The following SBF2 variants were observed in gnomAD, a reference collection of about 807,000 sequenced individuals.
SBF2 encodes the protein myotubularin-related protein 13.
SBF2 carries 112 observed loss-of-function variants against 225.2 expected under a neutral mutation model. The observed-to-expected ratio is 0.50, with a 90% CI of 0.43 to 0.58. The LOEUF (loss-of-function observed/expected upper bound fraction) is 0.58. SBF2 is among the 20% of genes least tolerant of loss of function. SBF2 has a pLI of 0.00. For missense variants in SBF2, 1,996 were observed against 2,206.2 expected (o/e 0.90, Z 1.91); for synonymous variants, 763 against 773.3 (o/e 0.99, Z 0.22).
At chr11:10,214,975 A>G (rs1342495519) in intron 1 of SBF2, among the ~76,000 whole-genome samples, 6 of 152,200 alleles carry the variant, frequency 3.9e-5, no homozygotes, top group African/African-American at 1.4e-4. Context: ...AACAACTCCT[A>G]GCCCACAGAA....
At chr11:10,148,955 C>A (rs1368783439) in intron 2 of SBF2, among the ~76,000 whole-genome samples, 1 of 152,042 alleles carries the variant, frequency 6.6e-6, no homozygotes, top group Non-Finnish European at 1.5e-5. Context: ...CCCGTGGCCA[C>A]ATATGAAGTT....
intron 16 of SBF2, among the ~76,000 whole-genome samples, chr11:9,910,515 G>A (rs1862512332): frequency 6.6e-6 from 1 of 152,034 alleles, no homozygotes; most frequent in South Asian, 2.1e-4. Context: ...AAGTCCTTCA[G>A]TAGGTATTCT....
intron 2 of SBF2, among the ~76,000 whole-genome samples, chr11:10,104,187 G>T: frequency 6.6e-6 from 1 of 152,040 alleles, no homozygotes; most frequent in South Asian, 2.1e-4. Context: ...TGTGGTCAGA[G>T]AAGATACTTT....
chr11:10,285,351 GA>G (rs1963684376), intron 1 of SBF2, among the ~76,000 whole-genome samples: 1 of 151,326 alleles, frequency 6.6e-6, no homozygotes, highest in Non-Finnish European at 1.5e-5. Flanking sequence ...AGAGAGGGGA[GA>G]GGGGAGGAAA....
intron 1 of SBF2, among the ~76,000 whole-genome samples, chr11:10,218,047 G>A (rs1366395669): frequency 6.6e-6 from 1 of 152,068 alleles, no homozygotes; most frequent in Non-Finnish European, 1.5e-5. Flanking sequence ...TTACAGCTGT[G>A]TACCACTGCA....
chr11:9,788,717 C>T (rs982083110), intron 35 of SBF2, among the ~76,000 whole-genome samples: 1 of 151,682 alleles, frequency 6.6e-6, no homozygotes, highest in Non-Finnish European at 1.5e-5. Flanking sequence ...GCCTCAGCCT[C>T]CCGAGTAGCT....
At chr11:9,843,205 T>C (rs1224962022) in intron 24 of SBF2, among the ~76,000 whole-genome samples, 1 of 152,168 alleles carries the variant, frequency 6.6e-6, no homozygotes, top group African/African-American at 2.4e-5. Context: ...TTCTACCAAC[T>C]CACAAGCCTT....
Position 9,781,587 on chromosome 11 carries a change from G to C in SBF2, c.5371C>G (p.Leu1791Val). The C allele has an allele frequency of 1.9e-6, 3 of 1,614,230 alleles. No individual in the cohort carries two copies. The highest frequency in any genetic ancestry group is 2.5e-6 in the Non-Finnish European group (3 of 1,180,028). The change falls in exon 39 of 40, where the codon CTG becomes GTG. Residue 1791 changes from leucine (L) to valine (V), a missense_variant. Transcript: ENST00000256190. ...EDTSCKGHID[L>V]AEVEMVIPAG... ...GGGATGACCATTTCTACTTCAGCCA[G>C]ATCAATGTGGCCTTTACAGCTTGTG...
At chr11:10,032,608 C>T (rs1415832684) in intron 3 of SBF2, among the ~76,000 whole-genome samples, 2 of 152,220 alleles carry the variant, frequency 1.3e-5, no homozygotes, top group Admixed American at 6.5e-5. Context: ...AATGCCCTAA[C>T]ACTCTCTACC....
At chr11:10,219,723 C>G (rs72863310) in intron 1 of SBF2, among the ~76,000 whole-genome samples, 4,913 of 152,300 alleles carry the variant, frequency 0.032, 101 homozygotes, top group Middle Eastern at 0.088. Flanking sequence ...CCACAGACCT[C>G]TAGGGCACGG....
At chr11:9,816,356 G>C (rs531390112) in intron 29 of SBF2, among the ~76,000 whole-genome samples, 1 of 152,156 alleles carries the variant, frequency 6.6e-6, no homozygotes, top group South Asian at 2.1e-4. Context: ...TTTAACAAGT[G>C]TTACTCAGAA....
In SBF2 at chr11:9,895,357, T is replaced by C. The variant is rs77864446; in HGVS notation, c.1929+586A>G. On this transcript the variant is annotated intron_variant, in intron 17 of 39. Coordinates refer to ENST00000256190, the MANE Select transcript of SBF2 (RefSeq NM_030962.4). ...CTGAGTGTGGGTGGTTATCTAATTCTTTACAAGTCCTTCACGGGAAAAGAA... is the reference window on the plus strand; with the variant it reads ...CTGAGTGTGGGTGGTTATCTAATTCCTTACAAGTCCTTCACGGGAAAAGAA... Among the ~76,000 whole-genome samples the C allele has an allele frequency of 2.5e-3, 388 of 152,308 alleles. 1 individual carries two copies. Among genetic ancestry groups the C allele is most frequent in the African/African-American group, 8.8e-3 (366 of 41,568 alleles).
chr11:9,850,251 A>AC (rs748851968), intron 21 of SBF2, 33 bp from the exon 22 acceptor site: 1 of 1,595,430 alleles, frequency 6.3e-7, no homozygotes, highest in East Asian at 2.2e-5. Flanking sequence ...TGATTGATTG[A>AC]TTGACTAATT....
intron 1 of SBF2, among the ~76,000 whole-genome samples, chr11:10,207,489 C>G (rs540533445): frequency 2.6e-4 from 39 of 152,212 alleles, no homozygotes; most frequent in African/African-American, 8.4e-4. Context: ...GGCTCTAAAC[C>G]TCTTCCCAGG....
At chr11:10,064,245 GA>G (rs1409107041) in intron 2 of SBF2, among the ~76,000 whole-genome samples, 1 of 152,046 alleles carries the variant, frequency 6.6e-6, no homozygotes, top group African/African-American at 2.4e-5. Context: ...TATACTATAG[GA>G]AAAGTGATAC....
intron 1 of SBF2, among the ~76,000 whole-genome samples, chr11:10,238,482 A>G (rs1959166139): frequency 6.6e-6 from 1 of 152,214 alleles, no homozygotes; most frequent in Non-Finnish European, 1.5e-5. Flanking sequence ...ATTAACTTCA[A>G]AGTGGACTTT....
At chr11:9,814,270 A>G (rs1854343790) in intron 29 of SBF2, among the ~76,000 whole-genome samples, 1 of 152,208 alleles carries the variant, frequency 6.6e-6, no homozygotes, top group Non-Finnish European at 1.5e-5. Flanking sequence ...TTGTGCCCAA[A>G]TTACTCTATT....
intron 2 of SBF2, among the ~76,000 whole-genome samples, chr11:10,151,866 C>T (rs1233992796): frequency 6.6e-6 from 1 of 152,174 alleles, no homozygotes; most frequent in Non-Finnish European, 1.5e-5. Flanking sequence ...ATTTCATTTT[C>T]CAATGAATAG....
At chr11:9,817,842 G>A (rs1564880749) in intron 28 of SBF2, among the ~76,000 whole-genome samples, 1 of 151,924 alleles carries the variant, frequency 6.6e-6, no homozygotes, top group Non-Finnish European at 1.5e-5. Flanking sequence ...GTTGCAGTGA[G>A]CCAAGATAGC....
Sources: allele counts gnomAD v4.1 joint callset (sites outside exome capture counted in the v4.1 genomes callset), GRCh38; gene constraint gnomAD v4.1.1; transcripts MANE v1.5; gene names NCBI Gene and HGNC (gene_info 2026-07-23, HGNC 2026-07-21).